Variants in MAML2 observed in about 807,000 individuals in gnomAD.
MAML2 encodes mastermind like transcriptional coactivator 2, also known as mastermind-like protein 2.
Under a neutral mutation model 96.1 loss-of-function variants are expected in MAML2, and 22 were observed. The observed-to-expected ratio is 0.23, with a 90% CI of 0.16 to 0.33. MAML2 has a LOEUF of 0.33. Ranked by LOEUF, MAML2 falls within the 10% of genes least tolerant of loss-of-function variation. MAML2 has a pLI of 1.00. For missense variants in MAML2, 1,367 were observed against 1,392.4 expected (o/e 0.98, Z 0.29); for synonymous variants, 561 against 521.3 (o/e 1.08, Z -1.04).
Position 96,342,035 on chromosome 11 carries a change from G to A in MAML2, c.-140C>T. ...GAATAGAGGTCTTCAGAGGTTGTGGGGGAGCCGTGGAGAAGTTGTGGGGGA... is the reference window on the plus strand; with the variant it reads ...GAATAGAGGTCTTCAGAGGTTGTGGAGGAGCCGTGGAGAAGTTGTGGGGGA... On this transcript the variant is annotated 5_prime_UTR_variant, in exon 1 of 5. Transcript: ENST00000524717. 2 of 813,004 alleles carry A rather than the reference G, an allele frequency of 2.5e-6. No individual in the cohort carries two copies. The highest frequency in any genetic ancestry group is 3.7e-6 in the Non-Finnish European group (2 of 537,978). The allele number at this position is 813,004 out of a possible 1,614,324, so 50.4% of individuals were successfully genotyped here.
At chr11:96,044,543 A>G (rs1260971998) in intron 2 of MAML2, among the ~76,000 whole-genome samples, 1 of 152,216 alleles carries the variant, frequency 6.6e-6, no homozygotes, top group African/African-American at 2.4e-5. Flanking sequence ...ACCCTAGGAG[A>G]AACCTTAATC....
chr11:96,141,612 T>C (rs1381796697), intron 1 of MAML2, among the ~76,000 whole-genome samples: 1 of 152,042 alleles, frequency 6.6e-6, no homozygotes, highest in Non-Finnish European at 1.5e-5. Context: ...GGCACTATCA[T>C]AGAAAAAGGG....
intron 1 of MAML2, among the ~76,000 whole-genome samples, chr11:96,324,607 C>T (rs1327009555): frequency 6.6e-6 from 1 of 152,126 alleles, no homozygotes; most frequent in African/African-American, 2.4e-5. Context: ...CACATCTTCA[C>T]CTTGAAGCAA....
intron 1 of MAML2, among the ~76,000 whole-genome samples, chr11:96,143,961 T>A (rs1464338816): frequency 6.6e-6 from 1 of 152,222 alleles, no homozygotes; most frequent in African/African-American, 2.4e-5. Flanking sequence ...CTGCAGTGTT[T>A]GAAGATGTTA....
intron 1 of MAML2, among the ~76,000 whole-genome samples, chr11:96,212,275 G>A (rs1273952743): frequency 6.6e-6 from 1 of 151,868 alleles, no homozygotes; most frequent in African/African-American, 2.4e-5. Flanking sequence ...AAAGATAATG[G>A]ATTTAGGAGC....
rs111725703 is a variant in MAML2 at position 96,326,358 on chromosome 11, C to CCTGT, written c.513+15024_513+15025insACAG. On this transcript the variant is annotated intron_variant, in intron 1 of 4. Coordinates refer to ENST00000524717, the MANE Select transcript of MAML2 (RefSeq NM_032427.4). ...AACTCTATTTTTAATCACACTAAAG[C>CCTGT]GTGTGTGTGTGTGTGTGTGTGTGTG... is the stretch of plus-strand genomic sequence containing the variant. Among the ~76,000 whole-genome samples, 921 of 147,746 alleles carry CCTGT rather than the reference C, an allele frequency of 6.2e-3. 10 individuals are homozygous for CCTGT. Among genetic ancestry groups the CCTGT allele is most frequent in the African/African-American group, 0.022 (886 of 39,500 alleles).
intron 1 of MAML2, among the ~76,000 whole-genome samples, chr11:96,255,964 C>T (rs189475524): frequency 1.3e-5 from 2 of 150,032 alleles, no homozygotes; most frequent in East Asian, 4.0e-4. Flanking sequence ...ACCTCTGCCT[C>T]CCGGGTTCAA....
Position 96,283,089 on chromosome 11 carries a change from C to T in MAML2, c.513+58294G>A, listed in dbSNP as rs977683871. Among the ~76,000 whole-genome samples, 11 of 152,122 alleles carry T rather than the reference C, an allele frequency of 7.2e-5. No individual in the cohort carries two copies. In the East Asian group the frequency reaches 7.7e-4, roughly 11 times the overall value. On this transcript the variant is annotated intron_variant, in intron 1 of 4. Transcript: ENST00000524717. ...CCATCAACAAGGGCGAATGAAAGAT[C>T]GTGTAATCCACAAACTTTAACTTTT...
chr11:96,125,523 C>A (rs142031471), intron 1 of MAML2, among the ~76,000 whole-genome samples: 349 of 152,254 alleles, frequency 2.3e-3, no homozygotes, highest in Non-Finnish European at 3.8e-3. Flanking sequence ...AGGGTCTGGG[C>A]AAGTGGACAG....
chr11:96,176,379 A>G (rs1861389100), intron 1 of MAML2, among the ~76,000 whole-genome samples: 1 of 152,256 alleles, frequency 6.6e-6, no homozygotes, highest in African/African-American at 2.4e-5. Flanking sequence ...TATGCGATTT[A>G]TATACATTAT....
intron 1 of MAML2, among the ~76,000 whole-genome samples, chr11:96,150,949 C>T (rs1860910337): frequency 6.6e-6 from 1 of 152,218 alleles, no homozygotes; most frequent in African/African-American, 2.4e-5. Context: ...TCTTAAGCCC[C>T]TCCCTAGACC....
At chr11:96,268,096 T>C (rs928491205) in intron 1 of MAML2, among the ~76,000 whole-genome samples, 3 of 152,208 alleles carry the variant, frequency 2.0e-5, no homozygotes, top group Non-Finnish European at 4.4e-5. Flanking sequence ...TTCATTTTAT[T>C]ATGAAGTTTG....
chr11:96,233,354 G>T (rs1377758702), intron 1 of MAML2, among the ~76,000 whole-genome samples: 1 of 20,418 alleles, frequency 4.9e-5, no homozygotes, highest in African/African-American at 4.7e-4. Context: ...CAACATTTAT[G>T]TCAGGAAAAA....
At chr11:96,099,951 T>C (rs1859897356) in intron 1 of MAML2, among the ~76,000 whole-genome samples, 1 of 152,152 alleles carries the variant, frequency 6.6e-6, no homozygotes. Flanking sequence ...CATTGATTAT[T>C]TTCCTTTAAA....
intron 1 of MAML2, among the ~76,000 whole-genome samples, chr11:96,258,207 C>G (rs1862695447): frequency 6.6e-6 from 1 of 152,152 alleles, no homozygotes; most frequent in Non-Finnish European, 1.5e-5. Context: ...AACTTATAAG[C>G]ATATATCATC....
intron 2 of MAML2, among the ~76,000 whole-genome samples, chr11:96,020,049 A>G (rs1858412893): frequency 1.3e-5 from 2 of 152,152 alleles, no homozygotes; most frequent in African/African-American, 4.8e-5. Context: ...CTACATGGTC[A>G]ATGTTGGAGG....
chr11:96,313,580 C>T (rs985705868), intron 1 of MAML2, among the ~76,000 whole-genome samples: 1 of 152,140 alleles, frequency 6.6e-6, no homozygotes, highest in South Asian at 2.1e-4. Flanking sequence ...TTATAGCCTG[C>T]CTTTCTCCCA....
intron 2 of MAML2, among the ~76,000 whole-genome samples, chr11:96,052,629 T>C (rs1859005397): frequency 6.6e-6 from 1 of 152,210 alleles, no homozygotes; most frequent in South Asian, 2.1e-4. Flanking sequence ...AGCTGTCTTG[T>C]CTGATATCAC....
intron 1 of MAML2, among the ~76,000 whole-genome samples, chr11:96,322,847 C>A (rs191790028): frequency 4.8e-4 from 73 of 152,286 alleles, no homozygotes; most frequent in Non-Finnish European, 7.8e-4. Flanking sequence ...AAAGGAAATG[C>A]CGGATGTCCT....
Sources: allele counts gnomAD v4.1 joint callset (sites outside exome capture counted in the v4.1 genomes callset), GRCh38; gene constraint gnomAD v4.1.1; transcripts MANE v1.5; gene names NCBI Gene and HGNC (gene_info 2026-07-23, HGNC 2026-07-21).